CSMD3: variants seen among roughly 807,000 people sequenced by gnomAD.
CSMD3 encodes CUB and sushi domain-containing protein 3.
A neutral mutation model predicts 435.2 loss-of-function variants in CSMD3; 177 were observed. The ratio of observed to expected loss-of-function variants is 0.41; its 90% CI spans 0.36 to 0.46. The LOEUF (loss-of-function observed/expected upper bound fraction) is 0.46. Among genes scored for constraint, CSMD3 ranks in the 20% least tolerant of loss-of-function variants. The pLI is 0.34. For synonymous variants in CSMD3, 1,656 were observed against 1,520.5 expected, an observed-to-expected ratio of 1.09 and a Z score of -2.07; for missense variants, 4,265 against 4,504.6, an observed-to-expected ratio of 0.95 and a Z score of 1.52.
At chr8:112,757,032 G>A (rs2077717235) in intron 13 of CSMD3, among the ~76,000 whole-genome samples, 1 of 152,110 alleles carries the variant, frequency 6.6e-6, no homozygotes, top group African/African-American at 2.4e-5. Flanking sequence ...GCCTCCCAAA[G>A]TGCTGGGATT....
chr8:112,726,008 A>G (rs1477146575), intron 13 of CSMD3, among the ~76,000 whole-genome samples: 1 of 151,970 alleles, frequency 6.6e-6, no homozygotes, highest in African/African-American at 2.4e-5. Flanking sequence ...AAAACTTACA[A>G]TTATGGCGGA....
At chr8:113,105,227 C>A (rs1190601874) in intron 4 of CSMD3, among the ~76,000 whole-genome samples, 3 of 152,004 alleles carry the variant, frequency 2.0e-5, no homozygotes, top group Admixed American at 6.5e-5. Context: ...AAACATTAGA[C>A]CAGGTCTATG....
At chr8:112,983,544 T>C (rs2085131845) in intron 6 of CSMD3, among the ~76,000 whole-genome samples, 1 of 150,212 alleles carries the variant, frequency 6.7e-6, no homozygotes, top group Non-Finnish European at 1.5e-5. Context: ...AAATAACTTT[T>C]TGATTGATAG....
intron 7 of CSMD3, among the ~76,000 whole-genome samples, chr8:112,961,575 G>C (rs1362588820): frequency 6.6e-6 from 1 of 151,860 alleles, no homozygotes; most frequent in South Asian, 2.1e-4. Flanking sequence ...TAAGAAATAA[G>C]TGTAAATTTT....
chr8:112,527,403 G>A lies in CSMD3; in HGVS notation c.4565-10178C>T, dbSNP rs188615302. On this transcript the variant is annotated intron_variant, in intron 27 of 70. Coordinates refer to ENST00000297405, the MANE Select transcript of CSMD3 (RefSeq NM_198123.2). ...ACCCATAGCATCCAAAATGTATGCA[G>A]CTCATAACATATCTTCAAAACACAT... Among the ~76,000 whole-genome samples the A allele has an allele frequency of 8.9e-4, 135 of 151,954 alleles. 1 individual carries two copies. The highest frequency in any genetic ancestry group is 4.3e-4 in the Non-Finnish European group (29 of 67,838).
intron 12 of CSMD3, among the ~76,000 whole-genome samples, chr8:112,815,219 G>A (rs2079340093): frequency 6.6e-6 from 1 of 151,992 alleles, no homozygotes; most frequent in Non-Finnish European, 1.5e-5. Flanking sequence ...TGGAATAATG[G>A]GACAATATAA....
intron 32 of CSMD3, among the ~76,000 whole-genome samples, chr8:112,451,400 T>G (rs988027028): frequency 6.6e-6 from 1 of 152,178 alleles, no homozygotes; most frequent in African/African-American, 2.4e-5. Flanking sequence ...TAGAGCATTA[T>G]TCTTGAAGGT....
At chr8:112,662,410 C>T (rs1586916457) in intron 17 of CSMD3, among the ~76,000 whole-genome samples, 1 of 151,942 alleles carries the variant, frequency 6.6e-6, no homozygotes, top group African/African-American at 2.4e-5. Context: ...CTGACAAAAA[C>T]AAGAAATGGG....
intron 31 of CSMD3, among the ~76,000 whole-genome samples, chr8:112,482,202 A>G (rs1326824586): frequency 6.6e-6 from 1 of 152,150 alleles, no homozygotes; most frequent in African/African-American, 2.4e-5. Flanking sequence ...TCTCCATCAG[A>G]GAGTGTGATC....
At chr8:112,313,311 C>T (rs770620393) in intron 49 of CSMD3, among the ~76,000 whole-genome samples, 2 of 151,972 alleles carry the variant, frequency 1.3e-5, no homozygotes, top group South Asian at 2.1e-4. Context: ...TTTTTAAAAA[C>T]GGAAGGTTTG....
intron 36 of CSMD3, among the ~76,000 whole-genome samples, chr8:112,388,381 G>A (rs1238640563): frequency 6.6e-6 from 1 of 152,194 alleles, no homozygotes; most frequent in Admixed American, 6.5e-5. Context: ...CCTGGGACAA[G>A]GGTGATGCTA....
intron 58 of CSMD3, 70 bp downstream of exon 58, chr8:112,286,994 T>C: frequency 8.1e-7 from 1 of 1,229,188 alleles, no homozygotes; most frequent in Non-Finnish European, 1.2e-6. Flanking sequence ...TTCCTAGTAG[T>C]ACTCATCTGG....
intron 58 of CSMD3, among the ~76,000 whole-genome samples, chr8:112,283,608 A>G (rs540786196): frequency 7.4e-4 from 112 of 151,664 alleles, no homozygotes; most frequent in African/African-American, 2.6e-3. Flanking sequence ...TTCTTACATA[A>G]AATTACAATT....
chr8:113,353,041 T>C (rs960605033), intron 1 of CSMD3, among the ~76,000 whole-genome samples: 2 of 152,140 alleles, frequency 1.3e-5, no homozygotes, highest in Non-Finnish European at 2.9e-5. Flanking sequence ...AATAGGCTTT[T>C]GAACTGTTGA....
At chr8:113,076,656 C>A (rs931260176) in intron 5 of CSMD3, among the ~76,000 whole-genome samples, 5 of 151,948 alleles carry the variant, frequency 3.3e-5, no homozygotes, top group African/African-American at 1.2e-4. Flanking sequence ...TTTAATATAA[C>A]CTTTTTATAA....
rs189095011 is a variant in CSMD3 at position 112,279,581 on chromosome 8, G to A, written c.9508+1593C>T. Among the ~76,000 whole-genome samples the A allele has an allele frequency of 2.1e-3, 318 of 152,186 alleles. 2 individuals carry two copies. Among genetic ancestry groups the A allele is most frequent in the Non-Finnish European group, 1.4e-3 (93 of 68,004 alleles). ...ACAGCCCAACTTAGATTAAAACAAG[G>A]TCTACAGTAATTAAGAACCATCATA... On this transcript the variant is annotated intron_variant, in intron 59 of 70. Coordinates refer to ENST00000297405, the MANE Select transcript of CSMD3 (RefSeq NM_198123.2).
intron 13 of CSMD3, among the ~76,000 whole-genome samples, chr8:112,794,221 T>C (rs151120849): frequency 7.9e-5 from 12 of 151,414 alleles, no homozygotes; most frequent in African/African-American, 2.9e-4. Context: ...ATTTACCACC[T>C]TAGAAAAAAT....
At chr8:112,972,081 T>C (rs1018969122) in intron 7 of CSMD3, among the ~76,000 whole-genome samples, 1 of 151,982 alleles carries the variant, frequency 6.6e-6, no homozygotes, top group Admixed American at 6.6e-5. Flanking sequence ...GATTAGTCTG[T>C]ACACATTAAG....
intron 6 of CSMD3, among the ~76,000 whole-genome samples, chr8:112,983,189 G>T (rs2085117137): frequency 6.6e-6 from 1 of 151,754 alleles, no homozygotes; most frequent in East Asian, 1.9e-4. Flanking sequence ...AATAATTATT[G>T]AAAGAAAAAA....
Sources: gnomAD v4.1 joint callset for allele counts (sites outside exome capture counted in the v4.1 genomes callset) on GRCh38, gnomAD v4.1.1 for gene constraint, MANE v1.5 for transcripts, NCBI Gene and HGNC (gene_info 2026-07-23, HGNC 2026-07-21) for gene names.